DDX60L: variants seen among roughly 807,000 people sequenced by gnomAD.
The protein encoded by DDX60L is DExD/H-box 60 like.
In DDX60L, 191 loss-of-function variants were observed where a neutral mutation model predicts 211.6. The ratio of observed to expected loss-of-function variants is 0.90; its 90% CI spans 0.80 to 1.02. The LOEUF is 1.02. Among genes scored for constraint, DDX60L ranks in the 50% least tolerant of loss-of-function variants. The probability of loss-of-function intolerance (pLI) is 0.00; values close to 1 mark genes in which losing one functional copy is unlikely to be tolerated. For missense variants in DDX60L, 2,007 were observed against 1,984.1 expected (o/e 1.01, Z -0.22); for synonymous variants, 706 against 694.1 (o/e 1.02, Z -0.27).
intron 36 of DDX60L, among the ~76,000 whole-genome samples, chr4:168,370,902 GTATTCATCC>G (rs1327384401): frequency 6.6e-6 from 1 of 151,740 alleles, no homozygotes; most frequent in African/African-American, 2.4e-5. Flanking sequence ...TGAATTCTAA[GTATTCATCC>G]TTCTTTACTG....
chr4:168,417,223 G>A (rs2149848668), intron 19 of DDX60L, among the ~76,000 whole-genome samples: 1 of 152,216 alleles, frequency 6.6e-6, no homozygotes, highest in East Asian at 1.9e-4. Context: ...TCCTCCCAAT[G>A]CATTTACAGT....
At chr4:168,387,227 G>T (rs1481376007) in intron 29 of DDX60L, among the ~76,000 whole-genome samples, 9 of 152,110 alleles carry the variant, frequency 5.9e-5, no homozygotes, top group Non-Finnish European at 1.2e-4. Context: ...GGTGTCAAAG[G>T]ATGCTTCCTA....
chr4:168,450,411 C>T (rs976123811), intron 8 of DDX60L, among the ~76,000 whole-genome samples: 2 of 151,682 alleles, frequency 1.3e-5, no homozygotes, highest in Admixed American at 1.3e-4. Context: ...TCCTTAAAAA[C>T]TCTGATCTCC....
At chr4:168,379,657 T>C (rs1344383150) in intron 31 of DDX60L, 69 bp downstream of exon 31, 1 of 1,323,414 alleles carries the variant, frequency 7.6e-7, no homozygotes, top group Non-Finnish European at 1.1e-6. Context: ...AAATTTCAGT[T>C]GGTTTAGCAT....
intron 8 of DDX60L, among the ~76,000 whole-genome samples, chr4:168,452,598 G>A (rs547064961): frequency 6.6e-6 from 1 of 151,966 alleles, no homozygotes; most frequent in East Asian, 1.9e-4. Context: ...CTAACCAAAA[G>A]TGAAAATGCT....
intron 1 of DDX60L, 61 bp downstream of exon 1, chr4:168,480,306 TCCTAGAACCC>T (rs1477917732): frequency 1.3e-5 from 2 of 152,202 alleles, no homozygotes; most frequent in Admixed American, 6.5e-5. Flanking sequence ...GTTGAAGGAA[TCCTAGAACCC>T]CCGCGGGACA....
At chr4:168,398,636 GC>G (rs1746250118) in intron 26 of DDX60L, among the ~76,000 whole-genome samples, 1 of 152,188 alleles carries the variant, frequency 6.6e-6, no homozygotes, top group Non-Finnish European at 1.5e-5. Context: ...CTCCAGGCCT[GC>G]CCATGGCCAC....
chr4:168,376,691 G>C (rs1220346723), intron 33 of DDX60L, among the ~76,000 whole-genome samples: 1 of 152,176 alleles, frequency 6.6e-6, no homozygotes, highest in African/African-American at 2.4e-5. Context: ...TCCTGCCATT[G>C]TGCCACTGCT....
chr4:168,403,024 T>C (rs1747107063), intron 25 of DDX60L, among the ~76,000 whole-genome samples: 1 of 152,234 alleles, frequency 6.6e-6, no homozygotes, highest in Non-Finnish European at 1.5e-5. Flanking sequence ...TCCTCAGTGA[T>C]ATATAGGGGT....
intron 13 of DDX60L, among the ~76,000 whole-genome samples, chr4:168,427,886 C>T (rs1304517338): frequency 6.6e-6 from 1 of 152,178 alleles, no homozygotes; most frequent in Non-Finnish European, 1.5e-5. Context: ...CATTTAATTC[C>T]CATTTTGCTT....
At chr4:168,462,476 C>A (rs150358192) in intron 4 of DDX60L, among the ~76,000 whole-genome samples, 1,901 of 151,596 alleles carry the variant, frequency 0.013, 31 homozygotes, top group African/African-American at 0.042. Context: ...AAAAAAAAAA[C>A]CCACTAAAAA....
Position 168,472,821 on chromosome 4 carries a change from G to GA in DDX60L, c.-110-13dup, listed in dbSNP as rs113626526. The stretch of plus-strand genomic sequence containing the variant: ...TGTGAATGGCACCTCTGTAATAAAA[G>GA]AAAAAATAGAACTGCAGTTATTCCT... On this transcript the variant is annotated splice_polypyrimidine_tract_variant and intron_variant, in intron 1 of 37. Coordinates refer to ENST00000682922, the MANE Select transcript of DDX60L (RefSeq NM_001012967.3). 0.77 allele frequency: 774,823 copies of GA among 1,010,536 alleles called. 302,915 individuals are homozygous for GA. The highest frequency in any genetic ancestry group is 0.87 in the East Asian group (35,935 of 41,236). The allele number at this position is 1,010,536 out of a possible 1,614,324, so 62.6% of individuals were successfully genotyped here.
At chr4:168,437,734 C>A (rs1298598464) in intron 10 of DDX60L, among the ~76,000 whole-genome samples, 1 of 152,224 alleles carries the variant, frequency 6.6e-6, no homozygotes, top group Non-Finnish European at 1.5e-5. Context: ...TGATGTCATG[C>A]ACCCTATAGG....
intron 9 of DDX60L, among the ~76,000 whole-genome samples, chr4:168,442,260 C>T (rs1162213345): frequency 1.3e-5 from 2 of 152,156 alleles, no homozygotes; most frequent in East Asian, 1.9e-4. Flanking sequence ...CCTGGAAAAT[C>T]GGGTCACTCC....
intron 4 of DDX60L, among the ~76,000 whole-genome samples, chr4:168,466,971 G>A (rs115021067): frequency 0.02 from 3,041 of 152,238 alleles, 43 homozygotes; most frequent in Non-Finnish European, 0.03. Flanking sequence ...GTTAGAACAC[G>A]TTTTGTTAGA....
chr4:168,430,763 C>A (rs1579596096), intron 12 of DDX60L, 125 bp from the exon 13 acceptor site: 1 of 682,248 alleles, frequency 1.5e-6, no homozygotes, highest in East Asian at 3.2e-5. Flanking sequence ...GGTCAGATTA[C>A]CATACGCTAA....
At chr4:168,405,070 A>T (rs1747503852) in intron 24 of DDX60L, among the ~76,000 whole-genome samples, 1 of 151,410 alleles carries the variant, frequency 6.6e-6, no homozygotes, top group Non-Finnish European at 1.5e-5. Flanking sequence ...GTACAGTGGC[A>T]TGATCTTGGC....
chr4:168,438,009 G>A (rs1413958825), intron 10 of DDX60L, among the ~76,000 whole-genome samples: 1 of 152,124 alleles, frequency 6.6e-6, no homozygotes, highest in African/African-American at 2.4e-5. Flanking sequence ...GAGTAGCTGG[G>A]ATTACAGGCA....
At chr4:168,399,079 T>TCTTCTTCA (rs1746327346) in intron 26 of DDX60L, among the ~76,000 whole-genome samples, 1 of 152,192 alleles carries the variant, frequency 6.6e-6, no homozygotes, top group South Asian at 2.1e-4. Flanking sequence ...TCAATAAAGC[T>TCTTCTTCA]CTTCTTCACC....
Sources: gnomAD v4.1 joint callset for allele counts (sites outside exome capture counted in the v4.1 genomes callset) on GRCh38, gnomAD v4.1.1 for gene constraint, MANE v1.5 for transcripts, NCBI Gene and HGNC (gene_info 2026-07-23, HGNC 2026-07-21) for gene names.